Variants in MYOM1 observed in about 807,000 individuals in gnomAD.
MYOM1 encodes the protein myomesin 1.
Under a neutral mutation model 205.3 loss-of-function variants are expected in MYOM1, and 164 were observed. The ratio of observed to expected loss-of-function variants is 0.80; its 90% CI spans 0.70 to 0.91. MYOM1 has a LOEUF of 0.91. MYOM1 is among the 40% of genes least tolerant of loss of function. The probability of loss-of-function intolerance (pLI) is 0.00; values close to 1 mark genes in which losing one functional copy is unlikely to be tolerated. For synonymous variants in MYOM1, 772 were observed against 789.4 expected, an observed-to-expected ratio of 0.98 and a Z score of 0.37; for missense variants, 2,011 against 2,127.3, an observed-to-expected ratio of 0.95 and a Z score of 1.08.
At chr18:3,157,886 A>G (rs1395541878) in intron 10 of MYOM1, among the ~76,000 whole-genome samples, 1 of 151,800 alleles carries the variant, frequency 6.6e-6, no homozygotes, top group Non-Finnish European at 1.5e-5. Flanking sequence ...ATCCTCTTCT[A>G]CGCCTCTGCC....
intron 2 of MYOM1, among the ~76,000 whole-genome samples, chr18:3,210,802 G>A (rs1204260624): frequency 6.6e-6 from 1 of 152,176 alleles, no homozygotes; most frequent in Non-Finnish European, 1.5e-5. Flanking sequence ...GGGGACCTGG[G>A]TATGACGAGG....
chr18:3,218,569 A>G (rs1362258943), intron 1 of MYOM1, among the ~76,000 whole-genome samples: 1 of 152,204 alleles, frequency 6.6e-6, no homozygotes, highest in East Asian at 1.9e-4. Flanking sequence ...TATGGAGGAT[A>G]ATTACCATGT....
intron 36 of MYOM1, among the ~76,000 whole-genome samples, chr18:3,072,530 T>A (rs2078972338): frequency 6.6e-6 from 1 of 151,684 alleles, no homozygotes; most frequent in Admixed American, 6.6e-5. Context: ...ATTTTTGTAT[T>A]CTTAGTAGAG....
At chr18:3,162,753 C>T (rs1477539307) in intron 10 of MYOM1, among the ~76,000 whole-genome samples, 1 of 143,658 alleles carries the variant, frequency 7.0e-6, no homozygotes. Flanking sequence ...AAAGGCCGGG[C>T]GTGGGCTCAC....
intron 13 of MYOM1, among the ~76,000 whole-genome samples, chr18:3,142,819 G>A (rs555628386): frequency 6.6e-6 from 1 of 152,310 alleles, no homozygotes; most frequent in Non-Finnish European, 1.5e-5. Context: ...AGGAGCCAAG[G>A]TCCCAGTGGA....
chr18:3,140,351 G>A (rs1243433886), intron 14 of MYOM1, among the ~76,000 whole-genome samples: 1 of 151,672 alleles, frequency 6.6e-6, no homozygotes, highest in African/African-American at 2.4e-5. Context: ...AGGTTGCAGT[G>A]AGCTGAGATT....
At chr18:3,241,353 A>G in the MYOM1 span, among the ~76,000 whole-genome samples, 1 of 152,186 alleles carries the variant, frequency 6.6e-6, no homozygotes, top group South Asian at 2.1e-4. Flanking sequence ...GGTGCCCTGC[A>G]TCCCAGCTGC....
In MYOM1 at chr18:3,141,987, C is replaced by T. The variant is rs2080056932; in HGVS notation, c.1977G>A (p.Lys659=). Residue 659 remains lysine (K), a synonymous_variant, in exon 14 of 38, where the codon AAG becomes AAA. Coordinates refer to ENST00000356443, the MANE Select transcript of MYOM1 (RefSeq NM_003803.4). ...CCTCATGACCACGCTGGCCAGGGGG[C>T]TTCCAGCTGAGCACCACATAGCTCC... is the stretch of plus-strand genomic sequence containing the variant. The part of the protein sequence containing the change: ...ATRSYVVLSW[K]PPGQRGHEGI... The T allele has an allele frequency of 6.2e-7, 1 of 1,613,760 alleles. No individual in the cohort carries two copies. Among genetic ancestry groups the T allele is most frequent in the African/African-American group, 1.3e-5 (1 of 74,998 alleles).
chr18:3,070,736 T>TTGTGTGTGTGTGTG (rs57044157), intron 37 of MYOM1, among the ~76,000 whole-genome samples: 1 of 146,102 alleles, frequency 6.8e-6, no homozygotes, highest in Non-Finnish European at 1.5e-5. Context: ...TGCATGTTCT[T>TTGTGTGTGTGTGTG]TGTGTGTGTG....
intron 36 of MYOM1, among the ~76,000 whole-genome samples, chr18:3,073,193 T>C (rs2078981654): frequency 6.6e-6 from 1 of 152,070 alleles, no homozygotes; most frequent in African/African-American, 2.4e-5. Context: ...TGCAGGCCAC[T>C]GTCTATGGCT....
At chr18:3,159,579 G>A (rs748100460) in intron 10 of MYOM1, among the ~76,000 whole-genome samples, 2 of 152,144 alleles carry the variant, frequency 1.3e-5, no homozygotes, top group African/African-American at 2.4e-5. Context: ...ACCAAAGAGT[G>A]AAAACAATCG....
intron 26 of MYOM1, among the ~76,000 whole-genome samples, chr18:3,091,265 G>A (rs1190115913): frequency 2.6e-5 from 4 of 151,808 alleles, no homozygotes; most frequent in African/African-American, 9.7e-5. Flanking sequence ...GCAGTGAGCC[G>A]AGATCGCACC....
chr18:3,113,614 T>A (rs2079561632), intron 21 of MYOM1, among the ~76,000 whole-genome samples: 1 of 152,104 alleles, frequency 6.6e-6, no homozygotes. Context: ...ATTACAGGAG[T>A]GAGCCACCAT....
chr18:3,080,453 CA>C (rs2079071733), intron 33 of MYOM1, among the ~76,000 whole-genome samples: 1 of 152,118 alleles, frequency 6.6e-6, no homozygotes, highest in Non-Finnish European at 1.5e-5. Flanking sequence ...GCAGGCGGAT[CA>C]CCTGAGGTCA....
chr18:3,164,959 T>C (rs2144051617), intron 9 of MYOM1, among the ~76,000 whole-genome samples: 1 of 151,812 alleles, frequency 6.6e-6, no homozygotes, highest in South Asian at 2.1e-4. Flanking sequence ...ATCAATATAA[T>C]CAAAAGCAAC....
chr18:3,098,509 C>T (rs1333377704), intron 25 of MYOM1, among the ~76,000 whole-genome samples: 1 of 152,034 alleles, frequency 6.6e-6, no homozygotes, highest in Non-Finnish European at 1.5e-5. Flanking sequence ...GAACTCCTGA[C>T]CTCATGATCC....
chr18:3,165,680 T>C (rs547508988), intron 9 of MYOM1, among the ~76,000 whole-genome samples: 4 of 152,340 alleles, frequency 2.6e-5, no homozygotes, highest in African/African-American at 9.6e-5. Flanking sequence ...CCTGTCCCCA[T>C]GCTCAGGCCA....
intron 22 of MYOM1, among the ~76,000 whole-genome samples, chr18:3,108,937 C>T (rs1054676275): frequency 1.3e-5 from 2 of 151,844 alleles, no homozygotes; most frequent in South Asian, 2.1e-4. Flanking sequence ...AAAAGCCTGA[C>T]AGAAAAGTCT....
chr18:3,127,305 A>ATATTTTTTTTTTTTTTT (rs56880961), intron 18 of MYOM1, among the ~76,000 whole-genome samples: 1 of 47,580 alleles, frequency 2.1e-5, no homozygotes, highest in African/African-American at 9.2e-5. Context: ...ATATATATAT[A>ATATTTTTTTTTTTTTTT]TTTTTTTTTT....
Sources: gnomAD v4.1 joint callset for allele counts (sites outside exome capture counted in the v4.1 genomes callset) on GRCh38, gnomAD v4.1.1 for gene constraint, MANE v1.5 for transcripts, NCBI Gene and HGNC (gene_info 2026-07-23, HGNC 2026-07-21) for gene names.